FBXL5: variants seen among roughly 807,000 people sequenced by gnomAD.
The protein encoded by FBXL5 is F-box and leucine rich repeat protein 5.
Under a neutral mutation model 78.3 loss-of-function variants are expected in FBXL5, and 26 were observed. The ratio of observed to expected loss-of-function variants is 0.33; its 90% CI spans 0.24 to 0.46. FBXL5 has a LOEUF of 0.46. FBXL5 is among the 20% of genes least tolerant of loss of function. The pLI is 1.00. For missense variants in FBXL5, 710 were observed against 829.2 expected (o/e 0.86, Z 1.77); for synonymous variants, 295 against 282.5 (o/e 1.04, Z -0.45).
At chr4:15,661,710 C>A (rs1461062684), upstream of FBXL5, among the ~76,000 whole-genome samples, 1 of 152,014 alleles carries the variant, frequency 6.6e-6, no homozygotes, top group Non-Finnish European at 1.5e-5. Context: ...GCTTAAGCAC[C>A]CTTTAAAACT....
rs564902333 is a variant in FBXL5 at position 15,624,713 on chromosome 4, G to A, written c.1850+539C>T. On this transcript the variant is annotated intron_variant, in intron 9 of 10. Transcript: ENST00000341285. ...CATGTTCTCTTTATGACTTAAAAAA[G>A]CAACAGAAGGTAAGCTGATCATGAT... 2.6e-4 allele frequency among the ~76,000 whole-genome samples: 38 copies of A among 147,952 alleles called. No individual in the cohort carries two copies. In the South Asian group the frequency reaches 8.1e-3, roughly 32 times the overall value.
chr4:15,677,235 T>A (rs1718027276), intron 1 of FBXL5, among the ~76,000 whole-genome samples: 1 of 152,196 alleles, frequency 6.6e-6, no homozygotes, highest in African/African-American at 2.4e-5. Context: ...GCTGGGTATA[T>A]ATGTTCGTCT....
At chr4:15,626,087 C>T in intron 8 of FBXL5, 110 bp from the exon 9 acceptor site, 1 of 982,700 alleles carries the variant, frequency 1.0e-6, no homozygotes, top group South Asian at 1.8e-5. Context: ...CTAATATAAT[C>T]ACTTAAGTAT....
intron 1 of FBXL5, among the ~76,000 whole-genome samples, chr4:15,647,489 A>G (rs1162518100): frequency 3.3e-5 from 5 of 152,176 alleles, no homozygotes; most frequent in African/African-American, 9.6e-5. Flanking sequence ...GGAGGATACC[A>G]AGGGAAGACT....
intron 1 of FBXL5, among the ~76,000 whole-genome samples, chr4:15,666,444 G>C (rs1717548988): frequency 6.6e-6 from 1 of 151,984 alleles, no homozygotes; most frequent in Non-Finnish European, 1.5e-5. Context: ...CACATTTGTG[G>C]AATCTAAAAT....
intron 1 of FBXL5, among the ~76,000 whole-genome samples, chr4:15,677,480 G>A (rs572213637): frequency 6.6e-6 from 1 of 152,270 alleles, no homozygotes; most frequent in Admixed American, 6.5e-5. Flanking sequence ...AAACCAACTA[G>A]GTGTTTACAG....
chr4:15,605,818 A>C lies in FBXL5; in HGVS notation c.2000-19T>G, dbSNP rs1560205246. On this transcript the variant is annotated intron_variant, in intron 10 of 10. Coordinates refer to ENST00000341285, the MANE Select transcript of FBXL5 (RefSeq NM_012161.4). ...TGAGGACCTGTATGAAAACAGAAAA[A>C]TGTGAAAGGAGGAATTTCTTAGAGA... 1 of 1,599,620 alleles carries C rather than the reference A, an allele frequency of 6.3e-7. No individual in the cohort carries two copies. The highest frequency in any genetic ancestry group is 8.6e-7 in the Non-Finnish European group (1 of 1,167,838).
chr4:15,621,882 G>A (rs1454472471), intron 9 of FBXL5, among the ~76,000 whole-genome samples: 2 of 152,182 alleles, frequency 1.3e-5, no homozygotes, highest in African/African-American at 4.8e-5. Context: ...TGGCTGGAGT[G>A]CAATAGTGCC....
chr4:15,643,057 G>A (rs1450598658), intron 2 of FBXL5, among the ~76,000 whole-genome samples: 2 of 151,848 alleles, frequency 1.3e-5, no homozygotes, highest in East Asian at 3.9e-4. Context: ...GTATTCATGT[G>A]GCAATACATA....
At chr4:15,614,766 C>A (rs1397198637) in intron 9 of FBXL5, among the ~76,000 whole-genome samples, 2 of 152,132 alleles carry the variant, frequency 1.3e-5, no homozygotes, top group African/African-American at 4.8e-5. Context: ...TCCTCACAGC[C>A]CTCGCTTGCT....
Position 15,655,297 on chromosome 4 carries a change from C to G in FBXL5, c.-10G>C. 7.1e-7 allele frequency: 1 copy of G among 1,407,902 alleles called. No homozygotes were observed. The highest frequency in any genetic ancestry group is 9.4e-7 in the Non-Finnish European group (1 of 1,058,348). The allele number at this position is 1,407,902 out of a possible 1,614,324, so 87.2% of individuals were successfully genotyped here. A position where few individuals can be genotyped will look rare whatever the true frequency, so the allele number is the denominator to read the frequency against. On this transcript the variant is annotated 5_prime_UTR_variant, in exon 1 of 11. Coordinates refer to ENST00000341285, the MANE Select transcript of FBXL5 (RefSeq NM_012161.4). ...CAGGAAAGGGCGCCATCGCCACTGC[C>G]TCAGCCTCCGCCTCAGCAGCCGCGG...
At chr4:15,628,551 AT>A (rs1713297159) in intron 6 of FBXL5, among the ~76,000 whole-genome samples, 1 of 152,120 alleles carries the variant, frequency 6.6e-6, no homozygotes, top group Non-Finnish European at 1.5e-5. Flanking sequence ...AGAATGAATA[AT>A]TGTATTGTAT....
At chr4:15,676,605 A>ATAAAAATGT (rs1291515450) in intron 1 of FBXL5, among the ~76,000 whole-genome samples, 83 of 152,322 alleles carry the variant, frequency 5.4e-4, no homozygotes, top group African/African-American at 2.0e-3. Context: ...TAGATATTAG[A>ATAAAAATGT]TAAAAATGTT....
intron 2 of FBXL5, among the ~76,000 whole-genome samples, chr4:15,642,787 A>G (rs1158543079): frequency 6.6e-6 from 1 of 152,138 alleles, no homozygotes; most frequent in Admixed American, 6.5e-5. Flanking sequence ...ACCACCTCCT[A>G]TTCATAAATG....
chr4:15,649,932 T>C (rs1265864255), intron 1 of FBXL5, among the ~76,000 whole-genome samples: 2 of 152,100 alleles, frequency 1.3e-5, no homozygotes, highest in African/African-American at 2.4e-5. Context: ...AACTCTAACA[T>C]CTATGACTTT....
chr4:15,666,462 A>C (rs1160401403), intron 1 of FBXL5, among the ~76,000 whole-genome samples: 1 of 152,104 alleles, frequency 6.6e-6, no homozygotes, highest in Non-Finnish European at 1.5e-5. Flanking sequence ...AATAAAGTTA[A>C]ACTCATATAA....
Position 15,626,708 on chromosome 4 carries a change from GGA to G in FBXL5, c.1124+163_1124+164del, listed in dbSNP as rs1220542943. Among the ~76,000 whole-genome samples, 3 of 152,072 alleles carry G rather than the reference GGA, an allele frequency of 2.0e-5. No individual in the cohort carries two copies. In the East Asian group the frequency reaches 5.8e-4, roughly 29 times the overall value. On this transcript the variant is annotated intron_variant, in intron 8 of 10. Coordinates refer to ENST00000341285, the MANE Select transcript of FBXL5 (RefSeq NM_012161.4). ...ACAGATGGGATTTTTGGATCAGCTG[GGA>G]CCTATGAGTAAGAAGTGAAGAACTG...
chr4:15,679,877 C>G (rs1199237571), intron 1 of FBXL5, among the ~76,000 whole-genome samples: 1 of 152,096 alleles, frequency 6.6e-6, no homozygotes, highest in South Asian at 2.1e-4. Flanking sequence ...AACACATTTC[C>G]TCTTGGATCC....
At chr4:15,660,199 T>C (rs1291463833), upstream of FBXL5, among the ~76,000 whole-genome samples, 2 of 152,090 alleles carry the variant, frequency 1.3e-5, no homozygotes, top group Non-Finnish European at 2.9e-5. Context: ...CTTTCTCAGC[T>C]GCAGAATAGC....
Sources: gnomAD v4.1 joint callset for allele counts (sites outside exome capture counted in the v4.1 genomes callset) on GRCh38, gnomAD v4.1.1 for gene constraint, MANE v1.5 for transcripts, NCBI Gene and HGNC (gene_info 2026-07-23, HGNC 2026-07-21) for gene names.